Variants in GPC3 observed in about 807,000 individuals in gnomAD.
GPC3 encodes glypican 3, also known as glypican-3.
Under a neutral mutation model 34.4 loss-of-function variants are expected in GPC3, and 3 were observed. The ratio of observed to expected loss-of-function variants is 0.09; its 90% CI spans 0.04 to 0.23. The LOEUF (loss-of-function observed/expected upper bound fraction) is 0.23. Ranked by LOEUF, GPC3 falls within the 10% of genes least tolerant of loss-of-function variation. The probability of loss-of-function intolerance (pLI) is 1.00; values close to 1 mark genes in which losing one functional copy is unlikely to be tolerated. For missense variants in GPC3, 351 were observed against 445.6 expected (o/e 0.79, Z 1.91); for synonymous variants, 177 against 174.0 (o/e 1.02, Z -0.13).
At chrX:133,636,628 C>A (rs1039557511) in intron 6 of GPC3, among the ~76,000 whole-genome samples, 10 of 112,271 alleles carry the variant, frequency 8.9e-5, no homozygotes, top group African/African-American at 2.6e-4. Flanking sequence ...GATCACGCCA[C>A]TGCACTCCAG....
chrX:133,928,120 C>T (rs1176324832), intron 2 of GPC3, among the ~76,000 whole-genome samples: 10 of 110,431 alleles, frequency 9.1e-5, no homozygotes, highest in Non-Finnish European at 1.5e-4. Context: ...TTTCCCCTGC[C>T]CCAATCTTGG....
At chrX:133,553,075 C>A (rs1474261685) in intron 7 of GPC3, among the ~76,000 whole-genome samples, 1 of 112,127 alleles carries the variant, frequency 8.9e-6, no homozygotes, top group Non-Finnish European at 1.9e-5. Flanking sequence ...AAAGAAGATG[C>A]AATTGGCAAG....
chrX:133,719,593 C>T (rs1005560646), intron 3 of GPC3, among the ~76,000 whole-genome samples: 3 of 108,963 alleles, frequency 2.8e-5, no homozygotes, highest in Non-Finnish European at 5.7e-5. Context: ...CTAACCTGCA[C>T]AATGTGCACA....
intron 1 of GPC3, among the ~76,000 whole-genome samples, chrX:133,975,581 G>A (rs1243689671): frequency 4.5e-5 from 5 of 111,000 alleles, no homozygotes; most frequent in Non-Finnish European, 7.5e-5. Context: ...CCTCCACATG[G>A]TGCCCAGCTC....
intron 2 of GPC3, among the ~76,000 whole-genome samples, chrX:133,775,857 A>G (rs1238736018): frequency 1.8e-5 from 2 of 112,126 alleles, no homozygotes; most frequent in Non-Finnish European, 3.8e-5. Context: ...GTCTATATTT[A>G]TTTCAAAATA....
At chrX:133,580,809 T>C (rs2069724950) in intron 7 of GPC3, among the ~76,000 whole-genome samples, 1 of 112,210 alleles carries the variant, frequency 8.9e-6, no homozygotes, top group African/African-American at 3.2e-5. Context: ...CTTAGTCCTC[T>C]AGCAGTTGGT....
chrX:133,965,170 AC>A (rs368195242), intron 1 of GPC3, among the ~76,000 whole-genome samples: 306 of 102,438 alleles, frequency 3.0e-3, no homozygotes, highest in South Asian at 0.017. Flanking sequence ...GAATGGTGTC[AC>A]CCCCCCCCAC....
At chrX:133,827,421 C>T (rs2075753056) in intron 2 of GPC3, among the ~76,000 whole-genome samples, 1 of 111,600 alleles carries the variant, frequency 9.0e-6, no homozygotes, top group South Asian at 3.7e-4. Flanking sequence ...TATGGACACA[C>T]GATATATACA....
At chrX:133,598,110 T>C (rs1180211314) in intron 6 of GPC3, among the ~76,000 whole-genome samples, 1 of 112,409 alleles carries the variant, frequency 8.9e-6, no homozygotes, top group Non-Finnish European at 1.9e-5. Flanking sequence ...ATTTATTTGA[T>C]AGCTTCTATA....
intron 5 of GPC3, among the ~76,000 whole-genome samples, chrX:133,685,385 C>G (rs1438236592): frequency 1.8e-5 from 2 of 111,659 alleles, no homozygotes; most frequent in African/African-American, 6.5e-5. Flanking sequence ...CCTTACTGTA[C>G]TTTTCTGAAA....
In GPC3 at chrX:133,593,381, A is replaced by G. The variant is rs750805780; in HGVS notation, c.1573+3059T>C. Among the ~76,000 whole-genome samples, 3 of 106,803 alleles carry G rather than the reference A, an allele frequency of 2.8e-5. No homozygotes were observed. In the East Asian group the frequency reaches 8.7e-4, roughly 31 times the overall value. The allele number at this position is 106,803 out of a possible 115,157, so 92.7% of individuals were successfully genotyped here. ...AAAAAAAAAAAAAAAAGAAATAAAC[A>G]TAGGCAGTGGTGGGAAAACAGAAAC... On this transcript the variant is annotated intron_variant, in intron 7 of 7. Transcript: ENST00000370818.
intron 1 of GPC3, among the ~76,000 whole-genome samples, chrX:133,962,577 G>A (rs766410891): frequency 8.9e-6 from 1 of 111,778 alleles, no homozygotes; most frequent in South Asian, 3.8e-4. Flanking sequence ...AAACTGGGTT[G>A]GAGAACAATG....
intron 2 of GPC3, among the ~76,000 whole-genome samples, chrX:133,938,943 G>A (rs1569457067): frequency 8.9e-6 from 1 of 111,976 alleles, no homozygotes; most frequent in African/African-American, 3.2e-5. Context: ...TACAATAGAA[G>A]AAAATACTCA....
chrX:133,959,074 T>C (rs893664420), intron 1 of GPC3, among the ~76,000 whole-genome samples: 7 of 111,527 alleles, frequency 6.3e-5, no homozygotes, highest in African/African-American at 2.3e-4. Flanking sequence ...ACTCCACTCC[T>C]AGAGGCTAAC....
chrX:133,865,071 C>T (rs775079853), intron 2 of GPC3, among the ~76,000 whole-genome samples: 5 of 111,665 alleles, frequency 4.5e-5, no homozygotes, highest in Non-Finnish European at 9.4e-5. Context: ...AGCTGTTGCC[C>T]TATTTACAAG....
intron 7 of GPC3, among the ~76,000 whole-genome samples, chrX:133,582,380 A>G (rs930006680): frequency 2.2e-4 from 25 of 111,929 alleles, no homozygotes; most frequent in Admixed American, 1.4e-3. Context: ...CCCTCACTCT[A>G]TTTAGACTGC....
At chrX:133,971,220 T>C (rs2076491699) in intron 1 of GPC3, among the ~76,000 whole-genome samples, 1 of 112,686 alleles carries the variant, frequency 8.9e-6, no homozygotes, top group Non-Finnish European at 1.9e-5. Context: ...TACATAGCAA[T>C]GATCTGAGGT....
intron 6 of GPC3, among the ~76,000 whole-genome samples, chrX:133,646,726 A>G (rs1281704772): frequency 8.9e-6 from 1 of 112,090 alleles, no homozygotes; most frequent in Non-Finnish European, 1.9e-5. Flanking sequence ...TTTGCTCAAT[A>G]CTATATTTTA....
intron 4 of GPC3, among the ~76,000 whole-genome samples, chrX:133,693,890 G>T (rs2071089395): frequency 9.0e-6 from 1 of 111,233 alleles, no homozygotes; most frequent in African/African-American, 3.3e-5. Context: ...GCAAGCCTGG[G>T]TTGGTTCTCC....
Sources: allele counts gnomAD v4.1 joint callset (sites outside exome capture counted in the v4.1 genomes callset), GRCh38; gene constraint gnomAD v4.1.1; transcripts MANE v1.5; gene names NCBI Gene and HGNC (gene_info 2026-07-23, HGNC 2026-07-21).